HTR2C: variants seen among roughly 807,000 people sequenced by gnomAD.
HTR2C encodes 5-hydroxytryptamine (serotonin) receptor 2C, G protein-coupled.
Under a neutral mutation model 21.0 loss-of-function variants are expected in HTR2C, and 5 were observed. The ratio of observed to expected loss-of-function variants is 0.24; its 90% CI spans 0.12 to 0.50. HTR2C has a LOEUF of 0.50. HTR2C is among the 20% of genes least tolerant of loss of function. The probability of loss-of-function intolerance (pLI) is 0.98; values close to 1 mark genes in which losing one functional copy is unlikely to be tolerated. For synonymous variants in HTR2C, 150 were observed against 145.3 expected, an observed-to-expected ratio of 1.03 and a Z score of -0.23; for missense variants, 271 against 371.2, an observed-to-expected ratio of 0.73 and a Z score of 2.22.
chrX:114,890,639 T>C (rs2071252040), intron 5 of HTR2C, among the ~76,000 whole-genome samples: 1 of 112,491 alleles, frequency 8.9e-6, no homozygotes, highest in South Asian at 3.6e-4. Context: ...TTGACTGTTA[T>C]TTTGTTTCAG....
At chrX:114,672,467 C>A (rs1034902334) in intron 2 of HTR2C, among the ~76,000 whole-genome samples, 1 of 111,753 alleles carries the variant, frequency 8.9e-6, no homozygotes. Flanking sequence ...TAAATAAAAT[C>A]ATATGTAAAC....
chrX:114,671,068 G>A (rs1427960329), intron 2 of HTR2C, among the ~76,000 whole-genome samples: 2 of 111,620 alleles, frequency 1.8e-5, no homozygotes, highest in Middle Eastern at 4.6e-3. Flanking sequence ...AAACATTTTG[G>A]ATCAATAATT....
chrX:114,802,685 T>TCTTTCTTC (rs2070358298), intron 4 of HTR2C, among the ~76,000 whole-genome samples: 1 of 64,577 alleles, frequency 1.5e-5, no homozygotes, highest in Non-Finnish European at 2.8e-5. Flanking sequence ...ATGCTTAGAT[T>TCTTTCTTC]CTTTCTTTCT....
At chrX:114,619,889 G>A (rs1007503701) in intron 2 of HTR2C, among the ~76,000 whole-genome samples, 7 of 111,548 alleles carry the variant, frequency 6.3e-5, no homozygotes, top group Non-Finnish European at 1.3e-4. Flanking sequence ...ATTTGCTTTC[G>A]CTCAATATTG....
At chrX:114,731,639 G>A (rs183795338) in intron 4 of HTR2C, 32 bp downstream of exon 4, 62 of 980,889 alleles carry the variant, frequency 6.3e-5, no homozygotes, top group Non-Finnish European at 8.1e-5. Context: ...TTTCAATCTC[G>A]TATAATGTCA....
chrX:114,758,392 T>A (rs782782846), intron 4 of HTR2C, among the ~76,000 whole-genome samples: 2 of 108,355 alleles, frequency 1.8e-5, no homozygotes, highest in East Asian at 2.9e-4. Context: ...TAGACCTCTA[T>A]CTCTACAAAA....
Position 114,634,068 on chromosome X carries a change from TCCTC to T in HTR2C, c.-80+20189_-80+20192del, listed in dbSNP as rs1250079827. Reference sequence around the variant, plus strand: ...GAAGGTACTTGTTTCCCTTACTACTTCCTCCATTACTTATCTCAATAGAAATTTA... The same window carrying T: ...GAAGGTACTTGTTTCCCTTACTACTTCATTACTTATCTCAATAGAAATTTA... On this transcript the variant is annotated intron_variant, in intron 2 of 5. Coordinates refer to ENST00000276198, the MANE Select transcript of HTR2C (RefSeq NM_000868.4). 3.6e-5 allele frequency among the ~76,000 whole-genome samples: 4 copies of T among 109,937 alleles called. No homozygotes were observed. In the East Asian group the frequency reaches 1.1e-3, roughly 31 times the overall value.
chrX:114,875,826 T>G (rs1203598351), intron 5 of HTR2C, among the ~76,000 whole-genome samples: 1 of 101,740 alleles, frequency 9.8e-6, no homozygotes, highest in Non-Finnish European at 2.0e-5. Flanking sequence ...AGACATATGA[T>G]GCCTCCATCT....
At chrX:114,882,455 T>C (rs1293134265) in intron 5 of HTR2C, among the ~76,000 whole-genome samples, 1 of 110,971 alleles carries the variant, frequency 9.0e-6, no homozygotes, top group Non-Finnish European at 1.9e-5. Context: ...TCTTTCATCA[T>C]TAAGATGTCT....
intron 4 of HTR2C, among the ~76,000 whole-genome samples, chrX:114,760,304 G>A (rs1280199678): frequency 9.0e-6 from 1 of 110,565 alleles, no homozygotes; most frequent in Non-Finnish European, 1.9e-5. Flanking sequence ...CTTCTTTTTG[G>A]GTAATTTTTG....
At chrX:114,690,684 A>G (rs1932079398) in intron 2 of HTR2C, among the ~76,000 whole-genome samples, 1 of 111,751 alleles carries the variant, frequency 8.9e-6, no homozygotes. Context: ...ATAATAGGGC[A>G]GGTGCTCTCC....
chrX:114,753,398 T>A (rs2069781059), intron 4 of HTR2C, among the ~76,000 whole-genome samples: 1 of 111,932 alleles, frequency 8.9e-6, no homozygotes, highest in Non-Finnish European at 1.9e-5. Context: ...GGTAATTTCT[T>A]ACAGCAGTCA....
chrX:114,641,152 T>C (rs782339747), intron 2 of HTR2C, among the ~76,000 whole-genome samples: 1 of 108,618 alleles, frequency 9.2e-6, no homozygotes, highest in Non-Finnish European at 1.9e-5. Context: ...CAGCTCACTA[T>C]AACCTCGAAC....
chrX:114,750,132 G>T (rs2069748139), intron 4 of HTR2C, among the ~76,000 whole-genome samples: 1 of 111,330 alleles, frequency 9.0e-6, no homozygotes, highest in African/African-American at 3.3e-5. Context: ...AACTTAAACG[G>T]TACCTTCAGA....
At chrX:114,821,994 G>A (rs782521845) in intron 4 of HTR2C, among the ~76,000 whole-genome samples, 1 of 104,867 alleles carries the variant, frequency 9.5e-6, no homozygotes, top group South Asian at 4.5e-4. Flanking sequence ...TTACAGGCAC[G>A]CAACATCACC....
chrX:114,651,986 T>C (rs1197184206), intron 2 of HTR2C, among the ~76,000 whole-genome samples: 2 of 111,723 alleles, frequency 1.8e-5, no homozygotes, highest in African/African-American at 6.5e-5. Flanking sequence ...TATTTACAGA[T>C]GATAATTGAA....
At chrX:114,819,349 AAGG>A (rs1283883531) in intron 4 of HTR2C, among the ~76,000 whole-genome samples, 1 of 112,089 alleles carries the variant, frequency 8.9e-6, no homozygotes, top group African/African-American at 3.2e-5. Flanking sequence ...ACATTTAGAA[AAGG>A]AGAGAAAAAA....
intron 5 of HTR2C, among the ~76,000 whole-genome samples, chrX:114,865,750 T>C (rs2071040506): frequency 8.9e-6 from 1 of 111,897 alleles, no homozygotes; most frequent in Non-Finnish European, 1.9e-5. Flanking sequence ...TGAGTTTTAA[T>C]TGTTATTTGT....
Position 114,735,399 on chromosome X carries a change from A to T in HTR2C, c.349+3792A>T, listed in dbSNP as rs781794595. The stretch of plus-strand genomic sequence containing the variant: ...ATGGGATTCATCTAACAAAGGGATG[A>T]CTGGGAAAGTTTCATCAAAAAGACT... On this transcript the variant is annotated intron_variant, in intron 4 of 5. Coordinates refer to ENST00000276198, the MANE Select transcript of HTR2C (RefSeq NM_000868.4). 2.8e-4 allele frequency among the ~76,000 whole-genome samples: 31 copies of T among 111,717 alleles called. No homozygotes were observed. The South Asian group carries it at 0.011, about 41-fold the overall frequency.
Sources: gnomAD v4.1 joint callset for allele counts (sites outside exome capture counted in the v4.1 genomes callset) on GRCh38, gnomAD v4.1.1 for gene constraint, MANE v1.5 for transcripts, NCBI Gene and HGNC (gene_info 2026-07-23, HGNC 2026-07-21) for gene names.